The following CDH23 variants were observed in gnomAD, a reference collection of about 807,000 sequenced individuals.
CDH23 encodes cadherin-23.
A neutral mutation model predicts 317.1 loss-of-function variants in CDH23; 189 were observed. The observed-to-expected ratio is 0.60, with a 90% CI of 0.53 to 0.67. The LOEUF is 0.67. Among genes scored for constraint, CDH23 ranks in the 30% least tolerant of loss-of-function variants. CDH23 has a pLI of 0.00. For missense variants in CDH23, 4,401 were observed against 4,592.4 expected, an observed-to-expected ratio of 0.96 and a Z score of 1.20; for synonymous variants, 1,839 against 1,876.8, an observed-to-expected ratio of 0.98 and a Z score of 0.52.
intron 2 of CDH23, 74 bp downstream of exon 2, chr10:71,439,972 C>A: frequency 1.7e-6 from 2 of 1,204,940 alleles, no homozygotes; most frequent in Non-Finnish European, 2.4e-6. Context: ...GGTGTTGGGG[C>A]TGGTGGTTCA....
chr10:71,736,708 G>A (rs1469607421), intron 34 of CDH23, among the ~76,000 whole-genome samples: 3 of 152,196 alleles, frequency 2.0e-5, no homozygotes, highest in Non-Finnish European at 4.4e-5. Context: ...TAGTCATTGT[G>A]GGAACACCTG....
intron 6 of CDH23, among the ~76,000 whole-genome samples, chr10:71,539,680 A>C (rs1855886331): frequency 1.3e-5 from 2 of 148,472 alleles, no homozygotes; most frequent in Non-Finnish European, 1.5e-5. Context: ...CTGCCTTCCC[A>C]CTCCACTCTA....
At chr10:71,695,269 A>C (rs1865338689) in intron 21 of CDH23, 149 bp from the exon 22 acceptor site, 2 of 665,056 alleles carry the variant, frequency 3.0e-6, no homozygotes, top group Admixed American at 4.3e-5. Context: ...TCGAAAGCCC[A>C]GGCTCTGCCC....
intron 38 of CDH23, among the ~76,000 whole-genome samples, chr10:71,756,453 T>C (rs1840151133): frequency 6.6e-6 from 1 of 152,212 alleles, no homozygotes; most frequent in African/African-American, 2.4e-5. Flanking sequence ...ACTAATAATG[T>C]AGCAATGAAC....
chr10:71,716,543 G>T, intron 28 of CDH23: 2 of 474,256 alleles, frequency 4.2e-6, no homozygotes, highest in Non-Finnish European at 7.4e-6. Context: ...CAGTGATGGA[G>T]CTGGGCCCAA....
chr10:71,684,438 C>A (rs117365408), intron 18 of CDH23, among the ~76,000 whole-genome samples: 10 of 152,052 alleles, frequency 6.6e-5, no homozygotes, highest in African/African-American at 1.4e-4. Flanking sequence ...GCTCCACCCC[C>A]CCTGGAGACA....
At chr10:71,769,507 A>G (rs995668392) in intron 38 of CDH23, among the ~76,000 whole-genome samples, 2 of 152,266 alleles carry the variant, frequency 1.3e-5, no homozygotes, top group Admixed American at 1.3e-4. Context: ...AGTAAATATT[A>G]TGAAAGGCAG....
At chr10:71,711,364 G>A (rs796838510) in intron 27 of CDH23, among the ~76,000 whole-genome samples, 3 of 152,310 alleles carry the variant, frequency 2.0e-5, no homozygotes, top group South Asian at 2.1e-4. Flanking sequence ...GCACTGCCAC[G>A]TATGGTCAGC....
At chr10:71,402,394 C>T (rs1847820565) in intron 1 of CDH23, among the ~76,000 whole-genome samples, 1 of 152,204 alleles carries the variant, frequency 6.6e-6, no homozygotes, top group African/African-American at 2.4e-5. Context: ...TGCAGGCCGA[C>T]AGACTTGATA....
Position 71,585,965 on chromosome 10 carries a change from C to T in CDH23, c.832+7973C>T, listed in dbSNP as rs187029641. On this transcript the variant is annotated intron_variant, in intron 9 of 69. Transcript: ENST00000224721. Reference sequence around the variant, plus strand: ...TCTAGGACTCTCCCTTTCTGCGTCTCGTCTTCCCCATACCCTCCCCATGGG... The same window carrying T: ...TCTAGGACTCTCCCTTTCTGCGTCTTGTCTTCCCCATACCCTCCCCATGGG... Among the ~76,000 whole-genome samples, 541 of 152,324 alleles carry T rather than the reference C, an allele frequency of 3.6e-3. 4 individuals are homozygous for T. Among genetic ancestry groups the T allele is most frequent in the Non-Finnish European group, 4.3e-3 (292 of 68,032 alleles).
intron 14 of CDH23, among the ~76,000 whole-genome samples, chr10:71,671,174 G>A (rs1864131432): frequency 6.6e-6 from 1 of 151,950 alleles, no homozygotes; most frequent in Non-Finnish European, 1.5e-5. Context: ...TGACCAGACT[G>A]GTCTTGAACT....
At chr10:71,439,688 C>G (rs898354872) in intron 1 of CDH23, 139 bp from the exon 2 acceptor site, 43 of 642,652 alleles carry the variant, frequency 6.7e-5, no homozygotes, top group Non-Finnish European at 1.2e-4. Context: ...TGCTCCTAAA[C>G]CCTCCATCTG....
intron 3 of CDH23, among the ~76,000 whole-genome samples, chr10:71,504,721 G>C (rs570968538): frequency 1.3e-3 from 205 of 152,328 alleles, no homozygotes; most frequent in Non-Finnish European, 2.5e-3. Context: ...CAGTCATCCT[G>C]GGACGGGTGG....
chr10:71,716,145 C>T (rs1215183185), intron 28 of CDH23: 1 of 1,550,300 alleles, frequency 6.5e-7, no homozygotes, highest in African/African-American at 1.4e-5. Flanking sequence ...CGGCTCGGGT[C>T]CAGCGCGGCC....
At chr10:71,601,667 T>C (rs1183597687) in intron 9 of CDH23, among the ~76,000 whole-genome samples, 1 of 152,196 alleles carries the variant, frequency 6.6e-6, no homozygotes, top group Admixed American at 6.5e-5. Context: ...CTGGGTGTGC[T>C]GGACTCCACA....
At chr10:71,701,166 C>T (rs1865568852) in intron 22 of CDH23, among the ~76,000 whole-genome samples, 1 of 152,210 alleles carries the variant, frequency 6.6e-6, no homozygotes, top group African/African-American at 2.4e-5. Flanking sequence ...GCTGGGTCAG[C>T]TCCAAGGCTG....
intron 3 of CDH23, among the ~76,000 whole-genome samples, chr10:71,504,921 G>A (rs1427749206): frequency 6.6e-6 from 1 of 152,198 alleles, no homozygotes; most frequent in Non-Finnish European, 1.5e-5. Flanking sequence ...GTGTGTGAGC[G>A]TCTCCTGCAG....
At position 71,706,953 on chromosome 10, in the gene CDH23, G is replaced by A. The variant is rs79705488; in HGVS notation, c.3010G>A (p.Val1004Met). Reference protein sequence around the residue: ...TFFPAVYNVSVSEDVPREFRV... With the variant: ...TFFPAVYNVSMSEDVPREFRV... ...CTTCCCGGCCGTGTACAATGTGTCT[G>A]TGTCCGAGGACGTGCCACGCGAGTT... The change falls in exon 26 of 70, where the codon GTG (valine) becomes ATG (methionine). Residue 1004 changes from valine (V) to methionine (M), a missense_variant. Val to Met is a conservative substitution (Grantham distance 21). Coordinates refer to ENST00000224721, the MANE Select transcript of CDH23 (RefSeq NM_022124.6). The A allele has an allele frequency of 2.7e-4, 440 of 1,607,384 alleles. 1 individual carries two copies. In the African/African-American group the frequency reaches 5.0e-3, roughly 18 times the overall value.
chr10:71,511,913 G>C, intron 6 of CDH23: 1 of 153,228 alleles, frequency 6.5e-6, no homozygotes, highest in South Asian at 2.1e-4. Flanking sequence ...AAGTGGGAGG[G>C]TAAAGGGCTT....
Sources: gnomAD v4.1 joint callset for allele counts (sites outside exome capture counted in the v4.1 genomes callset) on GRCh38, gnomAD v4.1.1 for gene constraint, MANE v1.5 for transcripts, NCBI Gene and HGNC (gene_info 2026-07-23, HGNC 2026-07-21) for gene names.